Variants in RFX8 observed in about 807,000 individuals in gnomAD.
RFX8 encodes the protein regulatory factor X8, also known as DNA-binding protein RFX8.
Under a neutral mutation model 54.6 loss-of-function variants are expected in RFX8, and 46 were observed. The observed-to-expected ratio is 0.84, with a 90% CI of 0.67 to 1.08. The LOEUF (loss-of-function observed/expected upper bound fraction) is 1.08. RFX8 is among the 50% of genes least tolerant of loss of function. The probability of loss-of-function intolerance (pLI) is 0.00; values close to 1 mark genes in which losing one functional copy is unlikely to be tolerated. For synonymous variants in RFX8, 192 were observed against 209.5 expected, an observed-to-expected ratio of 0.92 and a Z score of 0.72; for missense variants, 536 against 562.3, an observed-to-expected ratio of 0.95 and a Z score of 0.47.
intron 2 of RFX8, among the ~76,000 whole-genome samples, chr2:101,453,298 AAG>A (rs566468216): frequency 0.22 from 32,303 of 146,628 alleles, 4,081 homozygotes; most frequent in South Asian, 0.31. Context: ...AATAAATAAA[AAG>A]AGAGAAAAAA....
At chr2:101,419,730 G>A (rs528724957) in intron 4 of RFX8, among the ~76,000 whole-genome samples, 2 of 152,328 alleles carry the variant, frequency 1.3e-5, no homozygotes, top group African/African-American at 4.8e-5. Flanking sequence ...AGGTCATCAT[G>A]GAAGTTAGGG....
Position 101,419,008 on chromosome 2 carries a change from C to T in RFX8, c.238-44G>A, listed in dbSNP as rs1304066463. On this transcript the variant is annotated intron_variant, in intron 4 of 11. Coordinates refer to ENST00000428343, the MANE Select transcript of RFX8 (RefSeq NM_001145664.2). ...CATATCGCCAAAACTCGTTTTCCAC[C>T]TCGCAAGACTAACCCCCCGCCACAG... The T allele has an allele frequency of 1.5e-5, 15 of 1,019,586 alleles. No individual in the cohort carries two copies. In the South Asian group the frequency reaches 2.1e-4, roughly 14 times the overall value. The allele number at this position is 1,019,586 out of a possible 1,614,324, so 63.2% of individuals were successfully genotyped here.
intron 9 of RFX8, 50 bp from the exon 10 acceptor site, chr2:101,406,107 A>G: frequency 9.3e-7 from 1 of 1,079,696 alleles, no homozygotes; most frequent in East Asian, 2.6e-5. Flanking sequence ...TAAAATCAAG[A>G]AGCATAGTAT....
chr2:101,438,420 CTCTTTA>C (rs1264146050), intron 2 of RFX8, among the ~76,000 whole-genome samples: 2 of 152,046 alleles, frequency 1.3e-5, no homozygotes, highest in African/African-American at 2.4e-5. Flanking sequence ...TAGTTTATAC[CTCTTTA>C]TTGTTGAGTA....
intron 11 of RFX8, among the ~76,000 whole-genome samples, chr2:101,399,895 T>C (rs961623215): frequency 1.3e-5 from 2 of 152,134 alleles, no homozygotes; most frequent in Admixed American, 6.5e-5. Flanking sequence ...AAGCAGATGG[T>C]AGAAAACACT....
intron 2 of RFX8, among the ~76,000 whole-genome samples, chr2:101,441,388 T>C (rs904431673): frequency 3.3e-5 from 5 of 152,084 alleles, no homozygotes; most frequent in Non-Finnish European, 7.4e-5. Flanking sequence ...GATTAATGGG[T>C]TATCATGGGA....
intron 2 of RFX8, among the ~76,000 whole-genome samples, chr2:101,451,568 A>G (rs1274601071): frequency 1.3e-5 from 2 of 151,956 alleles, no homozygotes; most frequent in African/African-American, 4.8e-5. Flanking sequence ...AGGCGCCTGT[A>G]ATCCCAGCTA....
intron 9 of RFX8, among the ~76,000 whole-genome samples, chr2:101,408,256 C>T (rs555018833): frequency 3.3e-5 from 5 of 152,100 alleles, no homozygotes; most frequent in Admixed American, 6.5e-5. Flanking sequence ...GAGGCTGAGG[C>T]GGGCGGATCA....
At chr2:101,399,954 G>A (rs1422813984) in intron 11 of RFX8, among the ~76,000 whole-genome samples, 1 of 152,170 alleles carries the variant, frequency 6.6e-6, no homozygotes, top group Non-Finnish European at 1.5e-5. Context: ...AAGGATCTGT[G>A]GAGGTGTAAA....
intron 1 of RFX8, chr2:101,474,147 C>T (rs922742193): frequency 6.8e-6 from 4 of 586,482 alleles, no homozygotes; most frequent in Non-Finnish European, 1.2e-5. Context: ...AACCACGCTT[C>T]CCCTCCCCGG....
chr2:101,411,200 C>T (rs1252323544), intron 8 of RFX8, among the ~76,000 whole-genome samples: 1 of 152,220 alleles, frequency 6.6e-6, no homozygotes, highest in African/African-American at 2.4e-5. Flanking sequence ...CTGGGTCCTC[C>T]ACCTGCACAG....
intron 1 of RFX8, among the ~76,000 whole-genome samples, chr2:101,467,431 C>A (rs966772358): frequency 6.6e-6 from 1 of 152,184 alleles, no homozygotes; most frequent in African/African-American, 2.4e-5. Flanking sequence ...GGTTCTTAAA[C>A]CCCTGTGGTT....
At chr2:101,422,532 A>G in intron 2 of RFX8, 60 bp from the exon 3 acceptor site, 1 of 985,258 alleles carries the variant, frequency 1.0e-6, no homozygotes, top group Non-Finnish European at 1.6e-6. Flanking sequence ...TTTGGCATAT[A>G]AATCTTCTTA....
chr2:101,462,151 C>T (rs1465886488), intron 2 of RFX8, among the ~76,000 whole-genome samples: 5 of 152,110 alleles, frequency 3.3e-5, no homozygotes, highest in Admixed American at 1.3e-4. Context: ...TTAGGCTGGG[C>T]GCGGTGGCTC....
At chr2:101,458,039 T>G (rs1436820529) in intron 2 of RFX8, among the ~76,000 whole-genome samples, 1 of 152,176 alleles carries the variant, frequency 6.6e-6, no homozygotes, top group Non-Finnish European at 1.5e-5. Context: ...AACCCCTGCT[T>G]TTTTTTCGCT....
Position 101,474,633 on chromosome 2 carries a change from T to G in RFX8, c.-53+3A>C. ...GGGACGCGAACAACAAGCACCAACT[T>G]ACACCTTTTCCAATCTGGTCGCGGT... is the stretch of plus-strand genomic sequence containing the variant. On this transcript the variant is annotated splice_donor_region_variant and intron_variant, in intron 1 of 11. Transcript: ENST00000428343. The G allele has an allele frequency of 9.9e-6, 2 of 202,402 alleles. No individual in the cohort carries two copies. Among genetic ancestry groups the G allele is most frequent in the East Asian group, 1.1e-4 (1 of 8,880 alleles). The allele number at this position is 202,402 out of a possible 1,614,324, so 12.5% of individuals were successfully genotyped here.
At chr2:101,453,371 CT>C (rs1688805728) in intron 2 of RFX8, among the ~76,000 whole-genome samples, 1 of 152,008 alleles carries the variant, frequency 6.6e-6, no homozygotes, top group Non-Finnish European at 1.5e-5. Flanking sequence ...GGCATGGTGA[CT>C]CATGCCTGTA....
At chr2:101,417,336 C>G (rs954998135) in intron 6 of RFX8, among the ~76,000 whole-genome samples, 198 bp downstream of exon 6, 1 of 152,042 alleles carries the variant, frequency 6.6e-6, no homozygotes, top group African/African-American at 2.4e-5. Context: ...TTCTGAGTAG[C>G]TAAGACCACA....
In RFX8 at chr2:101,437,242, G is replaced by C. The variant is rs144461050; in HGVS notation, c.73-14770C>G. 3.2e-3 allele frequency among the ~76,000 whole-genome samples: 483 copies of C among 152,124 alleles called. 4 individuals are homozygous for C. Among genetic ancestry groups the C allele is most frequent in the African/African-American group, 1.0e-2 (414 of 41,494 alleles). Reference sequence around the variant, plus strand: ...ATCACTTAAGCCCAGGAGTTGCCCAGCCTGGGCAACACAATAAGACCCGTC... The same window carrying C: ...ATCACTTAAGCCCAGGAGTTGCCCACCCTGGGCAACACAATAAGACCCGTC... On this transcript the variant is annotated intron_variant, in intron 2 of 11. Coordinates refer to ENST00000428343, the MANE Select transcript of RFX8 (RefSeq NM_001145664.2).
Sources: gnomAD v4.1 joint callset for allele counts (sites outside exome capture counted in the v4.1 genomes callset) on GRCh38, gnomAD v4.1.1 for gene constraint, MANE v1.5 for transcripts, NCBI Gene and HGNC (gene_info 2026-07-23, HGNC 2026-07-21) for gene names.